Variants in CYP20A1 observed in about 807,000 individuals in gnomAD.
CYP20A1 encodes the protein cytochrome P450 20A1.
A neutral mutation model predicts 61.4 loss-of-function variants in CYP20A1; 61 were observed. The ratio of observed to expected loss-of-function variants is 0.99; its 90% CI spans 0.81 to 1.23. CYP20A1 has a LOEUF of 1.23. Ranked by LOEUF, CYP20A1 falls within the 50% of genes most tolerant of loss-of-function variation. The pLI, the probability that CYP20A1 is intolerant of heterozygous loss-of-function variation, is 0.00. For synonymous variants in CYP20A1, 193 were observed against 188.2 expected, an observed-to-expected ratio of 1.03 and a Z score of -0.21; for missense variants, 530 against 542.4, an observed-to-expected ratio of 0.98 and a Z score of 0.23.
chr2:203,263,933 A>G (rs528133308), intron 4 of CYP20A1, among the ~76,000 whole-genome samples: 2 of 152,002 alleles, frequency 1.3e-5, no homozygotes, highest in African/African-American at 2.4e-5. Flanking sequence ...CTTCCTCTGT[A>G]ATTGTGGATT....
intron 5 of CYP20A1, among the ~76,000 whole-genome samples, chr2:203,270,588 A>C (rs1412934958): frequency 6.6e-6 from 1 of 151,822 alleles, no homozygotes; most frequent in African/African-American, 2.4e-5. Flanking sequence ...AAGTTTTGTG[A>C]TACTTTTTCA....
intron 4 of CYP20A1, among the ~76,000 whole-genome samples, chr2:203,258,323 G>A (rs1186586524): frequency 1.3e-5 from 2 of 151,488 alleles, no homozygotes; most frequent in Admixed American, 1.3e-4. Context: ...GGTATTGTGA[G>A]TGATAATTGT....
intron 8 of CYP20A1, among the ~76,000 whole-genome samples, chr2:203,283,947 T>C (rs906123717): frequency 6.6e-6 from 1 of 152,226 alleles, no homozygotes; most frequent in Non-Finnish European, 1.5e-5. Flanking sequence ...TATTACTCTA[T>C]GTTGTAAAAT....
intron 8 of CYP20A1, among the ~76,000 whole-genome samples, chr2:203,283,548 T>G (rs1382048287): frequency 1.4e-5 from 2 of 141,902 alleles, no homozygotes; most frequent in Non-Finnish European, 3.1e-5. Flanking sequence ...ATTGTTATAT[T>G]AATTTTTTTT....
chr2:203,269,747 G>T (rs1267098827), intron 5 of CYP20A1, among the ~76,000 whole-genome samples: 1 of 151,968 alleles, frequency 6.6e-6, no homozygotes, highest in Non-Finnish European at 1.5e-5. Flanking sequence ...ACCTGCCTCG[G>T]CCTCCCAAAG....
chr2:203,259,468 T>A (rs943314261), intron 4 of CYP20A1: 5 of 152,210 alleles, frequency 3.3e-5, no homozygotes, highest in African/African-American at 1.2e-4. Context: ...TTCCCCCCTC[T>A]CTCTTGCTCC....
intron 4 of CYP20A1, among the ~76,000 whole-genome samples, chr2:203,252,395 G>A (rs1056736845): frequency 6.7e-5 from 10 of 149,612 alleles, no homozygotes; most frequent in Admixed American, 6.0e-4. Context: ...TATATATTTT[G>A]TTGTTGTTAT....
At chr2:203,292,423 A>C in intron 11 of CYP20A1, 97 bp downstream of exon 11, 1 of 804,642 alleles carries the variant, frequency 1.2e-6, no homozygotes, top group East Asian at 2.5e-5. Flanking sequence ...CTCAATATGT[A>C]GCAATGATAC....
chr2:203,246,434 A>G (rs2066461406), intron 2 of CYP20A1, among the ~76,000 whole-genome samples: 1 of 152,214 alleles, frequency 6.6e-6, no homozygotes, highest in Non-Finnish European at 1.5e-5. Context: ...TCACCAGCCG[A>G]TGATGTCCAT....
At chr2:203,253,788 G>GTCTTTT (rs561454658) in intron 4 of CYP20A1, among the ~76,000 whole-genome samples, 3 of 151,786 alleles carry the variant, frequency 2.0e-5, no homozygotes, top group African/African-American at 7.3e-5. Context: ...AAAAAAATTT[G>GTCTTTT]TCTTTTTCTT....
In CYP20A1 at chr2:203,280,116, A is replaced by G; in HGVS notation, c.850+3A>G. The G allele has an allele frequency of 6.2e-7, 1 of 1,600,252 alleles. No individual in the cohort carries two copies. Among genetic ancestry groups the G allele is most frequent in the Non-Finnish European group, 8.5e-7 (1 of 1,171,914 alleles). ...CAGTTGCATAATAACTGCAAAATGTAAGTATAAATTGATTTCTTTTTCAGA... is the reference window on the plus strand; with the variant it reads ...CAGTTGCATAATAACTGCAAAATGTGAGTATAAATTGATTTCTTTTTCAGA... On this transcript the variant is annotated splice_donor_region_variant and intron_variant, in intron 8 of 12. Transcript: ENST00000356079.
At chr2:203,253,950 T>C (rs1017929019) in intron 4 of CYP20A1, among the ~76,000 whole-genome samples, 6 of 151,976 alleles carry the variant, frequency 3.9e-5, no homozygotes, top group African/African-American at 1.2e-4. Context: ...TTTTCTTTCT[T>C]TTTTTCTTTT....
At position 203,301,360 on chromosome 2, in the gene CYP20A1, G is replaced by A. The variant is rs1252121492; in HGVS notation, c.*4452G>A. ...TAGCCTCCACCTCCTGGGCTCCAGC[G>A]ATCTCACCTCAGCCTCTAGAATAGC... is the stretch of plus-strand genomic sequence containing the variant. On this transcript the variant is annotated 3_prime_UTR_variant, in exon 13 of 13. Transcript: ENST00000356079. Among the ~76,000 whole-genome samples, 1 of 151,210 alleles carries A rather than the reference G, an allele frequency of 6.6e-6. No individual in the cohort carries two copies. The highest frequency in any genetic ancestry group is 6.6e-5 in the Admixed American group (1 of 15,114).
rs2067565694 is a variant in CYP20A1 at position 203,271,075 on chromosome 2, TATATA to T, written c.601-1594_601-1590del. Among the ~76,000 whole-genome samples, 164 of 75,342 alleles carry T rather than the reference TATATA, an allele frequency of 2.2e-3. 2 individuals carry two copies. Among genetic ancestry groups the T allele is most frequent in the African/African-American group, 4.3e-3 (90 of 20,842 alleles). The allele number at this position is 75,342 out of a possible 152,430, so 49.4% of individuals were successfully genotyped here. A position where few individuals can be genotyped will look rare whatever the true frequency, so the allele number is the denominator to read the frequency against. On this transcript the variant is annotated intron_variant, in intron 5 of 12. Coordinates refer to ENST00000356079, the MANE Select transcript of CYP20A1 (RefSeq NM_177538.3). ...ATGTGTATATATATATATATATATA[TATATA>T]TATTTTTTTTTTTTTTTTTTTTTTT... is the stretch of plus-strand genomic sequence containing the variant.
intron 6 of CYP20A1, among the ~76,000 whole-genome samples, chr2:203,277,035 A>T (rs754097064): frequency 6.6e-6 from 1 of 152,172 alleles, no homozygotes; most frequent in Non-Finnish European, 1.5e-5. Flanking sequence ...AGGGGAGTAT[A>T]GTCCTGGGAA....
rs753330849 is a variant in CYP20A1, at chr2:203,246,763, A to G, written c.131A>G (p.Asn44Ser). The G allele has an allele frequency of 4.3e-6, 7 of 1,609,632 alleles. No homozygotes were observed. The highest frequency in any genetic ancestry group is 1.7e-4 in the Middle Eastern group (1 of 6,058). Reference protein sequence around the residue: ...GITPTEEKDGNLPDIVNSGSL... With the variant: ...GITPTEEKDGSLPDIVNSGSL... Reference sequence around the variant, plus strand: ...TGTTGCTCTTTTGCCAGAGATGGTAATCTTCCAGATATTGTGAATAGTGGA... The same window carrying G: ...TGTTGCTCTTTTGCCAGAGATGGTAGTCTTCCAGATATTGTGAATAGTGGA... The change falls in exon 3 of 13, where the codon AAT becomes AGT. Residue 44 changes from asparagine to serine, a missense_variant. Transcript: ENST00000356079.
intron 11 of CYP20A1, among the ~76,000 whole-genome samples, chr2:203,294,577 C>T (rs1055128102): frequency 3.9e-5 from 6 of 151,922 alleles, no homozygotes; most frequent in African/African-American, 7.3e-5. Flanking sequence ...ATATAGAGTA[C>T]GCTTTTCATT....
intron 4 of CYP20A1, among the ~76,000 whole-genome samples, chr2:203,253,902 CCTTGAAGTGAG>C (rs373821704): frequency 1.1e-4 from 17 of 151,738 alleles, no homozygotes; most frequent in Non-Finnish European, 1.9e-4. Context: ...TTATAACTGT[CCTTGAAGTGAG>C]CTTGCTAGGC....
At chr2:203,273,256 G>C (rs936726189) in intron 6 of CYP20A1, among the ~76,000 whole-genome samples, 2 of 152,210 alleles carry the variant, frequency 1.3e-5, no homozygotes, top group Non-Finnish European at 2.9e-5. Context: ...ACAGACTGCA[G>C]AATGAGAGTG....
Sources: gnomAD v4.1 joint callset for allele counts (sites outside exome capture counted in the v4.1 genomes callset) on GRCh38, gnomAD v4.1.1 for gene constraint, MANE v1.5 for transcripts, NCBI Gene and HGNC (gene_info 2026-07-23, HGNC 2026-07-21) for gene names.